MTHFD1L: variants seen among roughly 807,000 people sequenced by gnomAD.
MTHFD1L encodes monofunctional C1-tetrahydrofolate synthase, mitochondrial.
Under a neutral mutation model 119.5 loss-of-function variants are expected in MTHFD1L, and 81 were observed. The observed-to-expected ratio is 0.68, with a 90% CI of 0.57 to 0.82. The LOEUF is 0.82. MTHFD1L is among the 40% of genes least tolerant of loss of function. The pLI is 0.00. For synonymous variants in MTHFD1L, 430 were observed against 475.2 expected (o/e 0.90, Z 1.24); for missense variants, 1,125 against 1,253.4 (o/e 0.90, Z 1.55).
At chr6:150,888,324 G>T (rs1196591356) in intron 7 of MTHFD1L, among the ~76,000 whole-genome samples, 1 of 152,200 alleles carries the variant, frequency 6.6e-6, no homozygotes, top group Non-Finnish European at 1.5e-5. Context: ...GCCAGTTTCA[G>T]CTATGAATAT....
At chr6:150,927,020 G>A (rs1331872770) in intron 11 of MTHFD1L, among the ~76,000 whole-genome samples, 1 of 152,078 alleles carries the variant, frequency 6.6e-6, no homozygotes, top group Non-Finnish European at 1.5e-5. Flanking sequence ...AGTGACTATT[G>A]CTTATGATGT....
At chr6:150,980,964 A>G (rs1777406741) in intron 20 of MTHFD1L, among the ~76,000 whole-genome samples, 1 of 151,958 alleles carries the variant, frequency 6.6e-6, no homozygotes, top group Non-Finnish European at 1.5e-5. Context: ...AATTTTTTTC[A>G]TGGTACCGCC....
intron 26 of MTHFD1L, among the ~76,000 whole-genome samples, chr6:151,078,052 CAAAAAA>C (rs71014538): frequency 3.2e-4 from 19 of 59,936 alleles, no homozygotes; most frequent in Non-Finnish European, 4.9e-4. Context: ...GACTCTGTCT[CAAAAAA>C]AAAAAAAAAA....
In MTHFD1L at chr6:150,926,156, G is replaced by T. The variant is rs186968414; in HGVS notation, c.1117G>T (p.Ala373Ser). Residue 373 changes from alanine to serine, a missense_variant, in exon 11 of 28, where the codon GCT becomes TCT. Coordinates refer to ENST00000367321, the MANE Select transcript of MTHFD1L (RefSeq NM_015440.5). This position sits in a 1 kb window ranked among gnomAD's most constrained non-coding sequence, Gnocchi z 4.3. ...GATTTCAAGAGGACAAACTCCAAAA[G>T]CTGTGGATGTCCTTGCCAAGGAGAT... is the stretch of plus-strand genomic sequence containing the variant. Reference protein sequence around the residue: ...IEISRGQTPKAVDVLAKEIGL... With the variant: ...IEISRGQTPKSVDVLAKEIGL... 1.9e-6 allele frequency: 3 copies of T among 1,614,036 alleles called. No individual in the cohort carries two copies. In the East Asian group the frequency reaches 6.7e-5, roughly 36 times the overall value.
At chr6:151,079,930 T>C (rs551952809) in intron 26 of MTHFD1L, among the ~76,000 whole-genome samples, 89 of 151,894 alleles carry the variant, frequency 5.9e-4, no homozygotes, top group African/African-American at 2.1e-3. Context: ...ATCCCAGGAC[T>C]TTGGAGAGCC....
chr6:151,088,840 A>T (rs1426076043), intron 26 of MTHFD1L, among the ~76,000 whole-genome samples: 2 of 152,332 alleles, frequency 1.3e-5, no homozygotes, highest in African/African-American at 4.8e-5. Context: ...TAACAAATAC[A>T]GCTCCAGGAA....
At chr6:150,920,363 C>T (rs959421099) in intron 9 of MTHFD1L, among the ~76,000 whole-genome samples, 1 of 152,170 alleles carries the variant, frequency 6.6e-6, no homozygotes, top group Admixed American at 6.5e-5. Flanking sequence ...TGAGTGTTCT[C>T]ATGGTGCTGG....
At chr6:150,956,421 CT>C (rs1209396687) in intron 17 of MTHFD1L, among the ~76,000 whole-genome samples, 1 of 152,092 alleles carries the variant, frequency 6.6e-6, no homozygotes, top group Non-Finnish European at 1.5e-5. Context: ...AAATGAAAAT[CT>C]CAGACACATT....
At chr6:150,870,119 AGCT>A (rs1353490175) in intron 1 of MTHFD1L, among the ~76,000 whole-genome samples, 1 of 152,204 alleles carries the variant, frequency 6.6e-6, no homozygotes. Context: ...AAAATAACAA[AGCT>A]GCTGCTGATG....
chr6:150,895,613 GTTTTTTTT>G (rs10630027), intron 7 of MTHFD1L, among the ~76,000 whole-genome samples: 1 of 134,464 alleles, frequency 7.4e-6, no homozygotes, highest in Non-Finnish European at 1.6e-5. Flanking sequence ...GTTTTTTGTG[GTTTTTTTT>G]TTTTTTTTTT....
intron 10 of MTHFD1L, among the ~76,000 whole-genome samples, chr6:150,924,717 A>G (rs1024636853): frequency 2.0e-5 from 3 of 151,688 alleles, no homozygotes; most frequent in African/African-American, 7.3e-5. Context: ...GACTCAAGTG[A>G]TCCTCCCGCC....
intron 24 of MTHFD1L, among the ~76,000 whole-genome samples, chr6:151,031,689 A>G (rs1383487380): frequency 6.6e-6 from 1 of 152,190 alleles, no homozygotes; most frequent in Non-Finnish European, 1.5e-5. Context: ...CAAGTTTTAA[A>G]TTTTGCTGTA....
At chr6:150,923,750 CAGTTCTACCCACT>C (rs1789474115) in intron 10 of MTHFD1L, among the ~76,000 whole-genome samples, 1 of 151,520 alleles carries the variant, frequency 6.6e-6, no homozygotes, top group Admixed American at 6.6e-5. Context: ...CACCCTGGTT[CAGTTCTACCCACT>C]AGGAGGGTGT....
intron 9 of MTHFD1L, among the ~76,000 whole-genome samples, chr6:150,921,156 G>A (rs1311431473): frequency 1.3e-5 from 2 of 151,234 alleles, no homozygotes; most frequent in African/African-American, 4.9e-5. Context: ...TTTTGCTCTT[G>A]TTGCCCAGGC....
intron 18 of MTHFD1L, among the ~76,000 whole-genome samples, chr6:150,963,427 G>T (rs1796743867): frequency 6.6e-6 from 1 of 152,114 alleles, no homozygotes; most frequent in South Asian, 2.1e-4. Flanking sequence ...AATTAACTAG[G>T]TTTAATCATT....
chr6:150,917,819 G>T (rs1386854985), intron 8 of MTHFD1L, among the ~76,000 whole-genome samples: 1 of 152,188 alleles, frequency 6.6e-6, no homozygotes, highest in African/African-American at 2.4e-5. Context: ...TCTGAATTCT[G>T]TGGCCTAATC....
intron 16 of MTHFD1L, among the ~76,000 whole-genome samples, chr6:150,954,618 G>T (rs1373763934): frequency 4.6e-5 from 7 of 152,036 alleles, no homozygotes; most frequent in Admixed American, 4.6e-4. Context: ...GATCCCAGGA[G>T]GCGAAGGTTG....
chr6:150,922,638 C>T (rs1217741928), intron 10 of MTHFD1L, among the ~76,000 whole-genome samples: 1 of 99,540 alleles, frequency 1.0e-5, no homozygotes, highest in Middle Eastern at 7.8e-3. Flanking sequence ...AGTGTTTTCC[C>T]CCCCCACCCT....
At chr6:151,012,403 T>TA in intron 21 of MTHFD1L, among the ~76,000 whole-genome samples, 1 of 152,302 alleles carries the variant, frequency 6.6e-6, no homozygotes, top group Middle Eastern at 3.4e-3. Flanking sequence ...TTGCTACAAA[T>TA]ACTGCGCTGG....
Sources: gnomAD v4.1 joint callset for allele counts (sites outside exome capture counted in the v4.1 genomes callset) on GRCh38, gnomAD v4.1.1 for gene constraint, Gnocchi (gnomAD v3.1) non-coding constraint, MANE v1.5 for transcripts, NCBI Gene and HGNC (gene_info 2026-07-23, HGNC 2026-07-21) for gene names.